Variants in TEKT5 observed in about 807,000 individuals in gnomAD.
TEKT5 encodes tektin 5, also known as tektin-5.
A neutral mutation model predicts 48.7 loss-of-function variants in TEKT5; 52 were observed. The ratio of observed to expected loss-of-function variants is 1.07; its 90% CI spans 0.86 to 1.35. The LOEUF (loss-of-function observed/expected upper bound fraction) is 1.35, where lower values mean the gene tolerates loss of function less well. Ranked by LOEUF, TEKT5 falls within the 40% of genes most tolerant of loss-of-function variation. The pLI, the probability that TEKT5 is intolerant of heterozygous loss-of-function variation, is 0.00. For synonymous variants in TEKT5, 318 were observed against 267.6 expected (o/e 1.19, Z -1.84); for missense variants, 831 against 641.6 (o/e 1.30, Z -3.19).
chr16:10,643,892 A>T (rs1432934480), intron 5 of TEKT5, among the ~76,000 whole-genome samples: 2 of 152,052 alleles, frequency 1.3e-5, no homozygotes, highest in African/African-American at 4.8e-5. Context: ...TAGAAAAAAA[A>T]TTAGCCAGAT....
chr16:10,631,161 C>T (rs540660074), intron 6 of TEKT5, among the ~76,000 whole-genome samples: 3 of 146,742 alleles, frequency 2.0e-5, no homozygotes, highest in African/African-American at 7.6e-5. Context: ...GAGGCTGAGG[C>T]AGGAGAATTG....
At chr16:10,632,080 G>A (rs1419541808) in intron 6 of TEKT5, among the ~76,000 whole-genome samples, 1 of 152,134 alleles carries the variant, frequency 6.6e-6, no homozygotes, top group African/African-American at 2.4e-5. Flanking sequence ...CTTCCCCATG[G>A]GAAGCCTGGG....
intron 5 of TEKT5, among the ~76,000 whole-genome samples, chr16:10,649,623 A>G (rs1898122168): frequency 6.6e-6 from 1 of 151,480 alleles, no homozygotes; most frequent in African/African-American, 2.4e-5. Flanking sequence ...TTTTGTAGAG[A>G]CTGGGTCTCC....
intron 5 of TEKT5, among the ~76,000 whole-genome samples, chr16:10,667,685 G>A (rs1273295973): frequency 2.0e-5 from 3 of 151,978 alleles, no homozygotes; most frequent in African/African-American, 4.8e-5. Flanking sequence ...GGGCAGCATC[G>A]TCATCATATT....
At chr16:10,692,002 G>A (rs906068586) in intron 1 of TEKT5, among the ~76,000 whole-genome samples, 12 of 152,024 alleles carry the variant, frequency 7.9e-5, no homozygotes, top group Non-Finnish European at 1.3e-4. Flanking sequence ...GGGAACCAGT[G>A]GCTGCTGTAA....
chr16:10,650,506 C>T (rs189181593), intron 5 of TEKT5, among the ~76,000 whole-genome samples: 5 of 152,242 alleles, frequency 3.3e-5, no homozygotes, highest in African/African-American at 9.6e-5. Flanking sequence ...TGTGGGTGTG[C>T]ACTCTGCCAA....
chr16:10,689,942 C>T lies in TEKT5; in HGVS notation c.648G>A (p.Arg216=). 1 of 1,614,028 alleles carries T rather than the reference C, an allele frequency of 6.2e-7. No individual in the cohort carries two copies. Among genetic ancestry groups the T allele is most frequent in the Non-Finnish European group, 8.5e-7 (1 of 1,179,988 alleles). The change falls in exon 2 of 7, where the codon CGG becomes CGA. Residue 216 remains arginine, a splice_region_variant and synonymous_variant. Transcript: ENST00000283025. ...VHDNVEKNLI[R]EVDLLKCCQE... is the part of the protein sequence containing the mutation. ...TGGGCAGAACCAGGAGATGCCTTAC[C>T]CGGATAAGGTTTTTCTCCACGTTGT...
At chr16:10,644,892 TGCTGGAGGTGGG>T (rs1210987588) in intron 5 of TEKT5, among the ~76,000 whole-genome samples, 1 of 152,220 alleles carries the variant, frequency 6.6e-6, no homozygotes, top group Non-Finnish European at 1.5e-5. Context: ...TGTCCCAGTG[TGCTGGAGGTGGG>T]GCCTCTGAGA....
intron 6 of TEKT5, among the ~76,000 whole-genome samples, chr16:10,635,071 G>C (rs1042648824): frequency 6.6e-6 from 1 of 152,068 alleles, no homozygotes; most frequent in Non-Finnish European, 1.5e-5. Flanking sequence ...AGAACAGAGT[G>C]GCCAAGTGGT....
intron 5 of TEKT5, among the ~76,000 whole-genome samples, chr16:10,670,154 G>A (rs977885047): frequency 3.9e-5 from 6 of 152,198 alleles, no homozygotes; most frequent in Non-Finnish European, 8.8e-5. Flanking sequence ...GGTAAGGATG[G>A]GCACTTGGAA....
At chr16:10,678,276 T>C (rs1466449391) in intron 4 of TEKT5, among the ~76,000 whole-genome samples, 1 of 152,090 alleles carries the variant, frequency 6.6e-6, no homozygotes, top group Non-Finnish European at 1.5e-5. Context: ...TTTTTGCATT[T>C]TTTGTAGAGA....
intron 3 of TEKT5, among the ~76,000 whole-genome samples, chr16:10,683,502 C>G (rs966226816): frequency 6.6e-6 from 1 of 152,176 alleles, no homozygotes; most frequent in Non-Finnish European, 1.5e-5. Context: ...CTGCCAAATT[C>G]CAGACATTTG....
In TEKT5 at chr16:10,674,899, T is replaced by C. The variant is rs142086253; in HGVS notation, c.1086+1060A>G. 3.8e-3 allele frequency among the ~76,000 whole-genome samples: 570 copies of C among 151,858 alleles called. 2 individuals carry two copies. The highest frequency in any genetic ancestry group is 0.013 in the African/African-American group (526 of 41,406). On this transcript the variant is annotated intron_variant, in intron 5 of 6. Coordinates refer to ENST00000283025, the MANE Select transcript of TEKT5 (RefSeq NM_144674.2). ...GTGCAGTGGTGTGATCTTGGCTCAC[T>C]GCAACCTCTGCCTCCCAAGTTCAAG...
At position 10,694,334 on chromosome 16, in the gene TEKT5, G is replaced by A. The variant is rs909534123; in HGVS notation, c.540C>T (p.Ala180=). 3 of 1,605,686 alleles carry A rather than the reference G, an allele frequency of 1.9e-6. No individual in the cohort carries two copies. The highest frequency in any genetic ancestry group is 2.6e-6 in the Non-Finnish European group (3 of 1,175,544). ...ETVKRRLECA[A]NEVNCPLQVA... is the part of the protein sequence containing the mutation. ...CCTGCAATGGGCAGTTCACCTCATT[G>A]GCCGCGCACTCCAGCCGCCTCTTGA... Residue 180 remains alanine, a synonymous_variant, in exon 1 of 7, where the codon GCC becomes GCT. Coordinates refer to ENST00000283025, the MANE Select transcript of TEKT5 (RefSeq NM_144674.2).
At chr16:10,633,970 T>C (rs1230916153) in intron 6 of TEKT5, among the ~76,000 whole-genome samples, 2 of 152,174 alleles carry the variant, frequency 1.3e-5, no homozygotes, top group African/African-American at 4.8e-5. Flanking sequence ...CCCAACACTT[T>C]TTCTTGATTA....
chr16:10,665,269 C>T (rs1898439067), intron 5 of TEKT5, among the ~76,000 whole-genome samples: 1 of 152,180 alleles, frequency 6.6e-6, no homozygotes, highest in Non-Finnish European at 1.5e-5. Flanking sequence ...GACACCGCAA[C>T]CCTCTGCCTT....
At chr16:10,676,306 G>A in intron 4 of TEKT5, 125 bp from the exon 5 acceptor site, 5 of 927,668 alleles carry the variant, frequency 5.4e-6, no homozygotes, top group South Asian at 4.8e-5. Flanking sequence ...TAGGGTGCTT[G>A]GGATGTTTAA....
At chr16:10,631,002 G>C (rs1369223512) in intron 6 of TEKT5, among the ~76,000 whole-genome samples, 1 of 151,990 alleles carries the variant, frequency 6.6e-6, no homozygotes, top group African/African-American at 2.4e-5. Context: ...GAGGTAGAGA[G>C]TTTGAGACCA....
chr16:10,689,733 T>C (rs573575902), intron 2 of TEKT5, among the ~76,000 whole-genome samples: 19 of 152,292 alleles, frequency 1.2e-4, no homozygotes, highest in African/African-American at 3.4e-4. Flanking sequence ...CATGCCCATT[T>C]TGGAGATGAA....
Sources: gnomAD v4.1 joint callset for allele counts (sites outside exome capture counted in the v4.1 genomes callset) on GRCh38, gnomAD v4.1.1 for gene constraint, MANE v1.5 for transcripts, NCBI Gene and HGNC (gene_info 2026-07-23, HGNC 2026-07-21) for gene names.